The following PPP1R13B variants were observed in gnomAD, a reference collection of about 807,000 sequenced individuals.
The protein encoded by PPP1R13B is protein phosphatase 1 regulatory subunit 13B.
In PPP1R13B, 44 loss-of-function variants were observed where a neutral mutation model predicts 119.8. The observed-to-expected ratio is 0.37, with a 90% CI of 0.29 to 0.47. PPP1R13B has a LOEUF of 0.47. Ranked by LOEUF, PPP1R13B falls within the 20% of genes least tolerant of loss-of-function variation. The pLI, the probability that PPP1R13B is intolerant of heterozygous loss-of-function variation, is 0.99. For synonymous variants in PPP1R13B, 542 were observed against 561.5 expected (o/e 0.97, Z 0.49); for missense variants, 1,227 against 1,413.5 (o/e 0.87, Z 2.12).
At chr14:103,848,397 C>G (rs1028007859), upstream of PPP1R13B, 1 of 985,446 alleles carries the variant, frequency 1.0e-6, no homozygotes, top group Non-Finnish European at 1.2e-6. Context: ...GCCTGAGCGC[C>G]GGAGTGACAG....
At chr14:103,827,773 G>A (rs1051068632) in intron 1 of PPP1R13B, among the ~76,000 whole-genome samples, 5 of 151,592 alleles carry the variant, frequency 3.3e-5, no homozygotes, top group African/African-American at 1.2e-4. Flanking sequence ...AAACACTGAG[G>A]TTCATTTTTC....
At chr14:103,762,053 C>T (rs2084819766) in intron 4 of PPP1R13B, among the ~76,000 whole-genome samples, 1 of 152,196 alleles carries the variant, frequency 6.6e-6, no homozygotes, top group East Asian at 1.9e-4. Context: ...CTCTGAAGTG[C>T]TCTCTTGTTT....
At position 103,739,928 on chromosome 14, in the gene PPP1R13B, T is replaced by C; in HGVS notation, c.2488A>G (p.Thr830Ala). The C allele has an allele frequency of 6.2e-7, 1 of 1,614,098 alleles. No homozygotes were observed. Among genetic ancestry groups the C allele is most frequent in the South Asian group, 1.1e-5 (1 of 91,082 alleles). ...NNNNVATVPT[T>A]EQIPSPVAEA... ...GCCACAGGACTCGGGATCTGCTCCG[T>C]GGTGGGGACCGTGGCCACGTTGTTG... Residue 830 changes from threonine to alanine, a missense_variant, in exon 12 of 17, where the codon ACG becomes GCG. By Grantham distance (58) the Thr-to-Ala change is moderately conservative. Coordinates refer to ENST00000202556, the MANE Select transcript of PPP1R13B (RefSeq NM_015316.3).
chr14:103,739,346 G>T, intron 12 of PPP1R13B: 1 of 356,856 alleles, frequency 2.8e-6, no homozygotes, highest in Non-Finnish European at 5.1e-6. Flanking sequence ...GTAGCTGATG[G>T]GAGCCAGCAG....
At chr14:103,812,990 T>C (rs1361310355) in intron 1 of PPP1R13B, among the ~76,000 whole-genome samples, 1 of 152,190 alleles carries the variant, frequency 6.6e-6, no homozygotes, top group Admixed American at 6.6e-5. Flanking sequence ...GGAAGACAGT[T>C]TGGTGGCTTC....
chr14:103,810,936 A>C (rs1595807048), intron 1 of PPP1R13B, among the ~76,000 whole-genome samples: 1 of 151,188 alleles, frequency 6.6e-6, no homozygotes, highest in African/African-American at 2.4e-5. Context: ...TAAAAAAAAA[A>C]AAAAAATTAG....
intron 4 of PPP1R13B, among the ~76,000 whole-genome samples, chr14:103,773,823 T>A (rs958360006): frequency 2.0e-5 from 3 of 152,216 alleles, no homozygotes; most frequent in African/African-American, 7.2e-5. Context: ...TCCATGCTCC[T>A]AGGTGACTGC....
At chr14:103,847,091 G>GCGGCCC (rs2087062306) in intron 1 of PPP1R13B, 5 of 991,812 alleles carry the variant, frequency 5.0e-6, no homozygotes, top group Non-Finnish European at 6.0e-6. Flanking sequence ...GGGCCCGCAG[G>GCGGCCC]CGGCCCCGGC....
At chr14:103,827,842 C>T (rs1379203795) in intron 1 of PPP1R13B, among the ~76,000 whole-genome samples, 1 of 151,980 alleles carries the variant, frequency 6.6e-6, no homozygotes, top group Admixed American at 6.6e-5. Flanking sequence ...GTATAAGCAG[C>T]TACTATTGCT....
At chr14:103,798,738 C>T (rs567948792) in intron 1 of PPP1R13B, among the ~76,000 whole-genome samples, 7 of 151,576 alleles carry the variant, frequency 4.6e-5, no homozygotes, top group Non-Finnish European at 1.0e-4. Flanking sequence ...GGTCTCACTC[C>T]GTCACCCAGG....
Position 103,753,074 on chromosome 14 carries a change from C to G in PPP1R13B, c.754G>C (p.Gly252Arg). The part of the protein sequence containing the change: ...LEDLKKGKLN[G>R]FQSYNGKLTG... ...AATTTGCCATTGTAAGACTGGAACC[C>G]ATTCAGTTTTCCTTTCTTTAAATCT... The change falls in exon 7 of 17, where the codon GGG (glycine) becomes CGG (arginine). Residue 252 changes from glycine to arginine, a missense_variant. Physicochemically the swap from Gly to Arg is moderately radical, Grantham distance 125. Coordinates refer to ENST00000202556, the MANE Select transcript of PPP1R13B (RefSeq NM_015316.3). 1.2e-6 allele frequency: 2 copies of G among 1,614,146 alleles called. 1 individual carries two copies. Among genetic ancestry groups the G allele is most frequent in the South Asian group, 2.2e-5 (2 of 91,086 alleles).
intron 1 of PPP1R13B, among the ~76,000 whole-genome samples, chr14:103,810,693 C>G (rs1416072521): frequency 6.6e-6 from 1 of 151,810 alleles, no homozygotes; most frequent in Non-Finnish European, 1.5e-5. Context: ...TATGGCGTGA[C>G]CCGGGAGGTG....
intron 4 of PPP1R13B, among the ~76,000 whole-genome samples, chr14:103,765,462 G>A (rs932648712): frequency 6.6e-6 from 1 of 152,002 alleles, no homozygotes; most frequent in East Asian, 1.9e-4. Context: ...TCCAAGCCTG[G>A]CTTCCTCCCT....
At chr14:103,745,219 T>C (rs2084357393) in intron 9 of PPP1R13B, among the ~76,000 whole-genome samples, 1 of 151,794 alleles carries the variant, frequency 6.6e-6, no homozygotes, top group African/African-American at 2.4e-5. Flanking sequence ...TCTTTCGGAG[T>C]TCATAACAAG....
chr14:103,835,127 A>T (rs1204236312), intron 1 of PPP1R13B, among the ~76,000 whole-genome samples: 1 of 151,944 alleles, frequency 6.6e-6, no homozygotes, highest in Non-Finnish European at 1.5e-5. Context: ...TTTCTTTTAG[A>T]CAGGATCTGT....
intron 2 of PPP1R13B, among the ~76,000 whole-genome samples, chr14:103,795,307 G>A (rs973586211): frequency 9.2e-5 from 14 of 152,116 alleles, no homozygotes; most frequent in East Asian, 3.9e-4. Flanking sequence ...TGAGATTCAC[G>A]GAAGGGATGA....
chr14:103,835,425 CTTT>C (rs71126076), intron 1 of PPP1R13B, among the ~76,000 whole-genome samples: 1 of 125,326 alleles, frequency 8.0e-6, no homozygotes, highest in Non-Finnish European at 1.7e-5. Flanking sequence ...GCGCCCAGCA[CTTT>C]TTTTTTTTTT....
chr14:103,783,724 T>C (rs1805538616), intron 3 of PPP1R13B, among the ~76,000 whole-genome samples: 1 of 151,564 alleles, frequency 6.6e-6, no homozygotes, highest in South Asian at 2.1e-4. Context: ...AGCTATTTAG[T>C]ATTTTCTGTA....
chr14:103,777,023 C>T (rs1444631959), intron 4 of PPP1R13B, among the ~76,000 whole-genome samples: 7 of 151,920 alleles, frequency 4.6e-5, no homozygotes, highest in African/African-American at 1.7e-4. Flanking sequence ...GATGGAGTCT[C>T]ACTCTCTTGC....
Sources: allele counts gnomAD v4.1 joint callset (sites outside exome capture counted in the v4.1 genomes callset), GRCh38; gene constraint gnomAD v4.1.1; transcripts MANE v1.5; gene names NCBI Gene and HGNC (gene_info 2026-07-23, HGNC 2026-07-21).